WDFY4: variants seen among roughly 807,000 people sequenced by gnomAD.
WDFY4 encodes WDFY family member 4.
Under a neutral mutation model 351.9 loss-of-function variants are expected in WDFY4, and 169 were observed. The ratio of observed to expected loss-of-function variants is 0.48; its 90% CI spans 0.42 to 0.55. The LOEUF is 0.55. Ranked by LOEUF, WDFY4 falls within the 20% of genes least tolerant of loss-of-function variation. The probability of loss-of-function intolerance (pLI) is 0.00; values close to 1 mark genes in which losing one functional copy is unlikely to be tolerated. For missense variants in WDFY4, 3,803 were observed against 3,935.6 expected (o/e 0.97, Z 0.90); for synonymous variants, 1,622 against 1,574.6 (o/e 1.03, Z -0.71).
chr10:48,795,522 T>TATATATATATATAC (rs1491301531), intron 23 of WDFY4, among the ~76,000 whole-genome samples: 1 of 106,222 alleles, frequency 9.4e-6, no homozygotes, highest in Non-Finnish European at 1.7e-5. Flanking sequence ...TATATATATA[T>TATATATATATATAC]ACATATATAT....
At chr10:48,964,689 C>T (rs1842000958) in intron 54 of WDFY4, among the ~76,000 whole-genome samples, 1 of 152,250 alleles carries the variant, frequency 6.6e-6, no homozygotes. Context: ...GCCTTCTACT[C>T]TGCTGGCTCT....
chr10:48,716,682 T>A (rs1311059017), intron 2 of WDFY4, among the ~76,000 whole-genome samples: 2 of 152,180 alleles, frequency 1.3e-5, no homozygotes, highest in African/African-American at 4.8e-5. Context: ...CAATTACTGT[T>A]CAGCTCACAG....
chr10:48,902,531 T>C (rs1483926053), intron 47 of WDFY4, among the ~76,000 whole-genome samples: 2 of 152,018 alleles, frequency 1.3e-5, no homozygotes, highest in Non-Finnish European at 2.9e-5. Flanking sequence ...TTATAATCAG[T>C]ATAAAATGGG....
At chr10:48,958,735 C>T (rs1163788278) in intron 52 of WDFY4, among the ~76,000 whole-genome samples, 5 of 152,098 alleles carry the variant, frequency 3.3e-5, no homozygotes, top group Admixed American at 2.0e-4. Flanking sequence ...AAGTGAAACA[C>T]TGTTGGATGC....
At chr10:48,949,019 G>A (rs1305079019) in intron 51 of WDFY4, among the ~76,000 whole-genome samples, 1 of 152,226 alleles carries the variant, frequency 6.6e-6, no homozygotes, top group African/African-American at 2.4e-5. Context: ...TGGTGACCAG[G>A]TAAAATTAGT....
intron 47 of WDFY4, among the ~76,000 whole-genome samples, chr10:48,916,989 T>C (rs563313411): frequency 2.0e-5 from 3 of 152,264 alleles, no homozygotes; most frequent in African/African-American, 7.2e-5. Flanking sequence ...ATTGTGATAC[T>C]ATAATTTTAC....
chr10:48,826,011 T>C (rs5934502), intron 35 of WDFY4, among the ~76,000 whole-genome samples: 1 of 152,242 alleles, frequency 6.6e-6, no homozygotes, highest in Non-Finnish European at 1.5e-5. Context: ...TTTGACATTT[T>C]CGTCATGAAA....
At chr10:48,943,572 C>T (rs1840894396) in intron 49 of WDFY4, 123 bp downstream of exon 49, 3 of 965,568 alleles carry the variant, frequency 3.1e-6, no homozygotes, top group Non-Finnish European at 4.3e-6. Context: ...GGTACCTGGG[C>T]CTAAAGGCTG....
At chr10:48,766,761 C>A (rs1035268385) in intron 13 of WDFY4, among the ~76,000 whole-genome samples, 2 of 152,198 alleles carry the variant, frequency 1.3e-5, no homozygotes, top group Non-Finnish European at 2.9e-5. Context: ...TGTTCCTTTT[C>A]CATGACATAC....
intron 7 of WDFY4, 75 bp downstream of exon 7, chr10:48,727,734 T>C: frequency 6.7e-7 from 1 of 1,498,386 alleles, no homozygotes; most frequent in South Asian, 1.3e-5. Context: ...TGGGGTGCTT[T>C]GCAGAAAAAT....
intron 19 of WDFY4, among the ~76,000 whole-genome samples, chr10:48,785,619 A>G (rs2066380726): frequency 6.6e-6 from 1 of 152,202 alleles, no homozygotes; most frequent in Non-Finnish European, 1.5e-5. Flanking sequence ...TTGCTTTTGC[A>G]TCTTTGTCAA....
chr10:48,941,344 C>T (rs949471315), intron 47 of WDFY4, among the ~76,000 whole-genome samples: 2 of 152,218 alleles, frequency 1.3e-5, no homozygotes, highest in South Asian at 4.1e-4. Flanking sequence ...TTTTCTGGAA[C>T]ATACACTGGA....
intron 45 of WDFY4, 71 bp from the exon 46 acceptor site, chr10:48,900,150 C>A: frequency 1.5e-6 from 2 of 1,368,586 alleles, no homozygotes; most frequent in East Asian, 2.5e-5. Flanking sequence ...CCATTTCCAG[C>A]AGCTGTGTCA....
chr10:48,742,659 G>A (rs2064888927), intron 11 of WDFY4, among the ~76,000 whole-genome samples: 1 of 152,236 alleles, frequency 6.6e-6, no homozygotes, highest in Admixed American at 6.5e-5. Flanking sequence ...AGAGGGGGAT[G>A]TGTGAGCACT....
chr10:48,809,707 C>T (rs1370651077), intron 28 of WDFY4, among the ~76,000 whole-genome samples: 1 of 152,238 alleles, frequency 6.6e-6, no homozygotes, highest in Non-Finnish European at 1.5e-5. Context: ...TCAACATAAT[C>T]ACTGAGGAAA....
intron 19 of WDFY4, among the ~76,000 whole-genome samples, chr10:48,785,155 T>C (rs186765384): frequency 6.6e-6 from 1 of 152,282 alleles, no homozygotes; most frequent in African/African-American, 2.4e-5. Flanking sequence ...CCATTGCGCC[T>C]GGCCTTAAAC....
chr10:48,787,980 T>TCTTCTTCTC (rs2066540212), intron 20 of WDFY4, among the ~76,000 whole-genome samples: 30 of 52,968 alleles, frequency 5.7e-4, no homozygotes, highest in East Asian at 1.4e-3. Context: ...TTCTTCTTCT[T>TCTTCTTCTC]CTTCTCCTTC....
Position 48,897,459 on chromosome 10 carries a change from G to A in WDFY4, c.7322G>A (p.Ser2441Asn), listed in dbSNP as rs1837141182. Reference protein sequence around the residue: ...YCTRHCLSNISDPFIFNLCSK... With the variant: ...YCTRHCLSNINDPFIFNLCSK... ...CATGCCTGTTTCCTTTTCAGCATCA[G>A]CGATCCGTTCATTTTCAACCTGTGC... Residue 2441 changes from serine (S) to asparagine (N), a missense_variant, in exon 45 of 62, where the codon AGC (serine) becomes AAC (asparagine). By Grantham distance (46) the Ser-to-Asn change is conservative. Coordinates refer to ENST00000325239, the MANE Select transcript of WDFY4 (RefSeq NM_001394531.1). 6.4e-7 allele frequency: 1 copy of A among 1,551,264 alleles called. No individual in the cohort carries two copies. The highest frequency in any genetic ancestry group is 8.7e-7 in the Non-Finnish European group (1 of 1,146,744).
chr10:48,706,712 T>A (rs983240833), intron 1 of WDFY4, among the ~76,000 whole-genome samples: 6 of 152,244 alleles, frequency 3.9e-5, no homozygotes, highest in African/African-American at 1.4e-4. Flanking sequence ...TCCAACTATT[T>A]CCTTTTAGAA....
Sources: allele counts gnomAD v4.1 joint callset (sites outside exome capture counted in the v4.1 genomes callset), GRCh38; gene constraint gnomAD v4.1.1; transcripts MANE v1.5; gene names NCBI Gene and HGNC (gene_info 2026-07-23, HGNC 2026-07-21).